The following SOX6 variants were observed in gnomAD, a reference collection of about 807,000 sequenced individuals.
SOX6 encodes the protein SRY-box transcription factor 6, also known as transcription factor SOX-6.
Under a neutral mutation model 97.8 loss-of-function variants are expected in SOX6, and 11 were observed. The observed-to-expected ratio is 0.11, with a 90% CI of 0.07 to 0.19. The LOEUF (loss-of-function observed/expected upper bound fraction) is 0.19, where lower values mean the gene tolerates loss of function less well. Among genes scored for constraint, SOX6 ranks in the 10% least tolerant of loss-of-function variants. The probability of loss-of-function intolerance (pLI) is 1.00; values close to 1 mark genes in which losing one functional copy is unlikely to be tolerated. For synonymous variants in SOX6, 360 were observed against 371.4 expected (o/e 0.97, Z 0.35); for missense variants, 810 against 1,039.5 (o/e 0.78, Z 3.04).
intron 6 of SOX6, among the ~76,000 whole-genome samples, chr11:16,113,089 A>G (rs1439856746): frequency 1.3e-5 from 2 of 152,042 alleles, no homozygotes; most frequent in African/African-American, 4.8e-5. Flanking sequence ...CTGGCTAATG[A>G]CCCTGTTTAA....
intron 6 of SOX6, among the ~76,000 whole-genome samples, chr11:16,142,965 G>A (rs2134042518): frequency 6.6e-6 from 1 of 152,246 alleles, no homozygotes; most frequent in East Asian, 1.9e-4. Context: ...AACCTAGCAA[G>A]GCAGGCCAAC....
intron 6 of SOX6, among the ~76,000 whole-genome samples, chr11:16,151,508 A>G (rs538231663): frequency 6.6e-6 from 1 of 152,232 alleles, no homozygotes; most frequent in South Asian, 2.1e-4. Context: ...GTTGCTGTTA[A>G]TTTCATCAAC....
intron 6 of SOX6, among the ~76,000 whole-genome samples, chr11:16,141,337 C>G (rs1337395058): frequency 6.6e-6 from 1 of 152,142 alleles, no homozygotes; most frequent in Non-Finnish European, 1.5e-5. Context: ...AAGTTCCCAG[C>G]CCTGACTGCT....
At chr11:15,989,396 C>T in intron 13 of SOX6, among the ~76,000 whole-genome samples, 166 bp from the exon 14 acceptor site, 1 of 152,154 alleles carries the variant, frequency 6.6e-6, no homozygotes, top group East Asian at 1.9e-4. Context: ...TCTACAGGCT[C>T]TTCTGATGTA....
At position 16,615,916 on chromosome 11, in the gene SOX6, A is replaced by G. The variant is rs563061258; in HGVS notation, n.430-3656T>C. The stretch of plus-strand genomic sequence containing the variant: ...TATCTAAATAATTACACAAGTAAGT[A>G]TGATTATCACAATAAAACACAGAAA... On this transcript the variant is annotated intron_variant and non_coding_transcript_variant, in intron 3 of 5. Coordinates refer to the SOX6 transcript ENST00000524520. Among the ~76,000 whole-genome samples the G allele has an allele frequency of 8.5e-5, 13 of 152,316 alleles. No individual in the cohort carries two copies. The South Asian group carries it at 2.7e-3, about 32-fold the overall frequency.
chr11:16,505,382 C>T (rs914785737), intron 4 of SOX6, among the ~76,000 whole-genome samples: 2 of 152,166 alleles, frequency 1.3e-5, no homozygotes, highest in Non-Finnish European at 2.9e-5. Flanking sequence ...AAATTCTAAG[C>T]AGCAAAGCAT....
chr11:16,362,874 C>T (rs1367435379), intron 1 of SOX6, among the ~76,000 whole-genome samples: 1 of 152,160 alleles, frequency 6.6e-6, no homozygotes, highest in Non-Finnish European at 1.5e-5. Flanking sequence ...ATTGCAGAGG[C>T]AGCCACTGTG....
chr11:16,524,723 C>T (rs983846255), intron 4 of SOX6, among the ~76,000 whole-genome samples: 4 of 151,896 alleles, frequency 2.6e-5, no homozygotes, highest in South Asian at 4.2e-4. Flanking sequence ...GATTGTATAT[C>T]TAGAAAACCC....
intron 4 of SOX6, among the ~76,000 whole-genome samples, chr11:16,530,419 T>C (rs1861223350): frequency 6.6e-6 from 1 of 151,828 alleles, no homozygotes; most frequent in African/African-American, 2.4e-5. Flanking sequence ...ACAACTAAAA[T>C]GAATGCAAAA....
intron 9 of SOX6, among the ~76,000 whole-genome samples, chr11:16,087,000 C>G (rs566321731): frequency 3.7e-4 from 56 of 152,236 alleles, no homozygotes; most frequent in African/African-American, 1.3e-3. Context: ...GTCAACAGAG[C>G]TTAATGCCAA....
chr11:16,071,407 G>A (rs1396647069), intron 9 of SOX6, among the ~76,000 whole-genome samples: 1 of 152,166 alleles, frequency 6.6e-6, no homozygotes, highest in Admixed American at 6.5e-5. Flanking sequence ...CCTGGGAAGT[G>A]CCCAGAAGGC....
chr11:16,233,474 A>T (rs942610248), intron 4 of SOX6, among the ~76,000 whole-genome samples: 1 of 152,184 alleles, frequency 6.6e-6, no homozygotes, highest in African/African-American at 2.4e-5. Context: ...AATCACGTAT[A>T]TTCAAAAGTA....
chr11:16,616,536 A>G (rs1382243975), intron 3 of SOX6, among the ~76,000 whole-genome samples: 2 of 151,856 alleles, frequency 1.3e-5, no homozygotes, highest in Non-Finnish European at 2.9e-5. Flanking sequence ...GTTTTCCACA[A>G]TTTTATTCAT....
chr11:16,564,832 A>G (rs1366548910), intron 4 of SOX6, among the ~76,000 whole-genome samples: 1 of 152,072 alleles, frequency 6.6e-6, no homozygotes, highest in East Asian at 1.9e-4. Context: ...AGACATTTAT[A>G]ACACTAAATG....
chr11:16,008,863 G>A (rs796122008), intron 13 of SOX6, among the ~76,000 whole-genome samples: 20 of 152,082 alleles, frequency 1.3e-4, no homozygotes, highest in South Asian at 2.1e-4. Context: ...AGAGCCCAGG[G>A]CTTTGTCGAC....
chr11:16,003,774 C>G (rs2119922560), intron 13 of SOX6, among the ~76,000 whole-genome samples: 1 of 152,022 alleles, frequency 6.6e-6, no homozygotes, highest in East Asian at 1.9e-4. Context: ...CTTGAAACAT[C>G]TATAAAACAA....
intron 6 of SOX6, among the ~76,000 whole-genome samples, chr11:16,142,226 A>T (rs1026885039): frequency 2.0e-5 from 3 of 152,174 alleles, no homozygotes; most frequent in African/African-American, 7.2e-5. Flanking sequence ...TCCACTGCTG[A>T]TACCCAGGCA....
intron 2 of SOX6, among the ~76,000 whole-genome samples, chr11:16,730,811 T>C (rs906100808): frequency 6.6e-6 from 1 of 152,106 alleles, no homozygotes; most frequent in African/African-American, 2.4e-5. Context: ...ATCCAGGAGC[T>C]GATTTTTTGA....
chr11:16,658,056 G>A (rs1201666388), intron 3 of SOX6, among the ~76,000 whole-genome samples: 1 of 152,134 alleles, frequency 6.6e-6, no homozygotes, highest in Non-Finnish European at 1.5e-5. Flanking sequence ...GTATCAAAAA[G>A]TATTAAAGAT....
Sources: gnomAD v4.1 joint callset for allele counts (sites outside exome capture counted in the v4.1 genomes callset) on GRCh38, gnomAD v4.1.1 for gene constraint, MANE v1.5 for transcripts, NCBI Gene and HGNC (gene_info 2026-07-23, HGNC 2026-07-21) for gene names.